RGS7: variants seen among roughly 807,000 people sequenced by gnomAD.
The protein encoded by RGS7 is regulator of G protein signaling 7.
In RGS7, 27 loss-of-function variants were observed where a neutral mutation model predicts 81.1. That is an observed-to-expected ratio of 0.33 (90% confidence interval 0.25 to 0.46). RGS7 has a LOEUF of 0.46. Ranked by LOEUF, RGS7 falls within the 20% of genes least tolerant of loss-of-function variation. The pLI, the probability that RGS7 is intolerant of heterozygous loss-of-function variation, is 1.00. For missense variants in RGS7, 396 were observed against 607.4 expected (o/e 0.65, Z 3.66); for synonymous variants, 208 against 207.7 (o/e 1.00, Z -0.01).
Position 241,168,398 on chromosome 1 carries a change from T to C in RGS7, c.79-69636A>G, listed in dbSNP as rs1014519771. ...TATTTTTATCAAGTTAGTTGACAAA[T>C]AGAAATTTCTCTGGGAAATTGGAAA... On this transcript the variant is annotated intron_variant, in intron 2 of 18. Coordinates refer to ENST00000440928, the MANE Select transcript of RGS7 (RefSeq NM_001364886.1). Among the ~76,000 whole-genome samples, 35 of 152,176 alleles carry C rather than the reference T, an allele frequency of 2.3e-4. 1 individual carries two copies. Among genetic ancestry groups the C allele is most frequent in the African/African-American group, 8.4e-4 (35 of 41,434 alleles).
At chr1:240,920,019 T>C (rs1467488561) in intron 6 of RGS7, 15 of 1,245,180 alleles carry the variant, frequency 1.2e-5, no homozygotes, top group Non-Finnish European at 1.7e-5. Context: ...CCTAAGAGAT[T>C]ATTTTGAACA....
chr1:241,033,595 C>A (rs948029838), intron 3 of RGS7, among the ~76,000 whole-genome samples: 10 of 151,664 alleles, frequency 6.6e-5, no homozygotes, highest in Admixed American at 2.0e-4. Flanking sequence ...CTGCCCTTTA[C>A]TATTCTTTTT....
In RGS7 at chr1:241,129,272, A is replaced by C. The variant is rs546136345; in HGVS notation, c.79-30510T>G. Among the ~76,000 whole-genome samples, 44 of 152,220 alleles carry C rather than the reference A, an allele frequency of 2.9e-4. No homozygotes were observed. The South Asian group carries it at 6.2e-3, about 22-fold the overall frequency. On this transcript the variant is annotated intron_variant, in intron 2 of 18. Transcript: ENST00000440928. ...TACTAGAAACAAACAAACAAACAAA[A>C]AAAAAACGGAACTCAAAACACTTCA...
At chr1:240,973,435 G>A (rs531776552) in intron 4 of RGS7, among the ~76,000 whole-genome samples, 16 of 151,554 alleles carry the variant, frequency 1.1e-4, no homozygotes, top group South Asian at 2.1e-4. Flanking sequence ...ACTTGAACCC[G>A]GGAGGCTGAG....
At chr1:240,886,177 T>A (rs1343131761) in intron 6 of RGS7, among the ~76,000 whole-genome samples, 3 of 152,212 alleles carry the variant, frequency 2.0e-5, no homozygotes, top group South Asian at 2.1e-4. Flanking sequence ...CATGTAAATC[T>A]CCCATAATAC....
In RGS7 at chr1:240,806,342, G is replaced by A. The variant is rs758875724; in HGVS notation, c.1083-16C>T. On this transcript the variant is annotated splice_polypyrimidine_tract_variant and intron_variant, in intron 14 of 18. Transcript: ENST00000440928. ...CAGCCAGAATCTATGCAGAATGTGAGATCGGGTGTTTACTCTGATGGCCCA... is the reference window on the plus strand; with the variant it reads ...CAGCCAGAATCTATGCAGAATGTGAAATCGGGTGTTTACTCTGATGGCCCA... 1.2e-6 allele frequency: 2 copies of A among 1,612,972 alleles called. No individual in the cohort carries two copies. Among genetic ancestry groups the A allele is most frequent in the African/African-American group, 2.7e-5 (2 of 74,830 alleles).
At chr1:241,078,197 A>G (rs1215714501) in intron 3 of RGS7, among the ~76,000 whole-genome samples, 1 of 148,894 alleles carries the variant, frequency 6.7e-6, no homozygotes, top group East Asian at 1.9e-4. Flanking sequence ...TATGTTGTTT[A>G]GATGGAGAGA....
At chr1:241,012,865 A>G (rs1363536154) in intron 3 of RGS7, among the ~76,000 whole-genome samples, 1 of 152,044 alleles carries the variant, frequency 6.6e-6, no homozygotes, top group Non-Finnish European at 1.5e-5. Flanking sequence ...ACTGGCTACT[A>G]ACTGTTCTTT....
intron 10 of RGS7, among the ~76,000 whole-genome samples, chr1:240,817,520 C>T (rs557365034): frequency 6.6e-6 from 1 of 152,264 alleles, no homozygotes; most frequent in Admixed American, 6.5e-5. Context: ...CTTAACACTA[C>T]GTCTTGACTC....
Position 240,868,920 on chromosome 1 carries a change from C to A in RGS7, c.451-68G>T. ...CACTGCTCTCTTCTAGCTTAGTTACCACTTGTATTTGTCAAGGAAACAAAT... is the reference window on the plus strand; with the variant it reads ...CACTGCTCTCTTCTAGCTTAGTTACAACTTGTATTTGTCAAGGAAACAAAT... On this transcript the variant is annotated intron_variant, in intron 7 of 18. Transcript: ENST00000440928. The surrounding 1 kb of genome is among the most constrained non-coding windows in gnomAD (Gnocchi z 5.1). 2.9e-6 allele frequency: 4 copies of A among 1,395,444 alleles called. No homozygotes were observed. The highest frequency in any genetic ancestry group is 1.2e-5 in the South Asian group (1 of 86,774). 86.4% of individuals were successfully genotyped at this position (1,395,444 alleles called of 1,614,324 possible).
At chr1:241,290,100 C>T (rs1454877491) in intron 2 of RGS7, among the ~76,000 whole-genome samples, 1 of 152,168 alleles carries the variant, frequency 6.6e-6, no homozygotes, top group East Asian at 1.9e-4. Flanking sequence ...GCAAATCTCC[C>T]TTTAAATTCA....
At chr1:240,882,416 C>T (rs566665746) in intron 6 of RGS7, among the ~76,000 whole-genome samples, 3 of 152,142 alleles carry the variant, frequency 2.0e-5, no homozygotes, top group East Asian at 1.9e-4. Flanking sequence ...TATCATAAGG[C>T]GGTTACATGT....
In RGS7 at chr1:241,114,980, C is replaced by T. The variant is rs144051778; in HGVS notation, c.79-16218G>A. 2.1e-3 allele frequency among the ~76,000 whole-genome samples: 323 copies of T among 152,292 alleles called. 2 individuals are homozygous for T. Among genetic ancestry groups the T allele is most frequent in the African/African-American group, 7.5e-3 (312 of 41,562 alleles). On this transcript the variant is annotated intron_variant, in intron 2 of 18. Transcript: ENST00000440928. The stretch of plus-strand genomic sequence containing the variant: ...ACACAAGGACTTTACTTGACTATCA[C>T]ATTGTCTAAGATGGAATGCCAAACA...
chr1:240,858,846 C>T (rs1661627312), intron 9 of RGS7, among the ~76,000 whole-genome samples: 1 of 152,154 alleles, frequency 6.6e-6, no homozygotes, highest in Admixed American at 6.5e-5. Context: ...TCCCACTTCA[C>T]TGTGGTGTAA....
intron 2 of RGS7, among the ~76,000 whole-genome samples, chr1:241,251,630 C>T (rs2076831244): frequency 2.0e-5 from 3 of 151,996 alleles, no homozygotes; most frequent in African/African-American, 7.3e-5. Context: ...CTGCCTCAAC[C>T]TCCCGAGCAG....
chr1:241,073,393 G>C (rs2062595306), intron 3 of RGS7, among the ~76,000 whole-genome samples: 1 of 152,160 alleles, frequency 6.6e-6, no homozygotes. Flanking sequence ...GCATTTCACA[G>C]AACCTGACTA....
At chr1:241,199,580 A>T (rs1278358498) in intron 2 of RGS7, among the ~76,000 whole-genome samples, 1 of 151,996 alleles carries the variant, frequency 6.6e-6, no homozygotes, top group African/African-American at 2.4e-5. Context: ...AAGAGGTCCT[A>T]GTCAATGCAA....
intron 9 of RGS7, among the ~76,000 whole-genome samples, chr1:240,839,261 G>A (rs1001252153): frequency 6.6e-6 from 1 of 152,178 alleles, no homozygotes; most frequent in Non-Finnish European, 1.5e-5. Flanking sequence ...TGGTTCTGAT[G>A]TGGATCAGAA....
At chr1:241,024,461 T>TG (rs776199411) in intron 3 of RGS7, among the ~76,000 whole-genome samples, 63 of 152,310 alleles carry the variant, frequency 4.1e-4, no homozygotes, top group Non-Finnish European at 7.5e-4. Context: ...CACCCACTCT[T>TG]GATTATCCAG....
Sources: gnomAD v4.1 joint callset for allele counts (sites outside exome capture counted in the v4.1 genomes callset) on GRCh38, gnomAD v4.1.1 for gene constraint, Gnocchi (gnomAD v3.1) non-coding constraint, MANE v1.5 for transcripts, NCBI Gene and HGNC (gene_info 2026-07-23, HGNC 2026-07-21) for gene names.